MFNG: variants seen among roughly 807,000 people sequenced by gnomAD.
The protein encoded by MFNG is MFNG O-fucosylpeptide 3-beta-N-acetylglucosaminyltransferase.
MFNG carries 24 observed loss-of-function variants against 34.2 expected under a neutral mutation model. The observed-to-expected ratio is 0.70, with a 90% CI of 0.51 to 0.99. The LOEUF is 0.99. MFNG is among the 50% of genes least tolerant of loss of function. The pLI, the probability that MFNG is intolerant of heterozygous loss-of-function variation, is 0.00. For missense variants in MFNG, 383 were observed against 424.0 expected, an observed-to-expected ratio of 0.90 and a Z score of 0.85; for synonymous variants, 158 against 179.2, an observed-to-expected ratio of 0.88 and a Z score of 0.94.
rs774231882 is a variant in MFNG, at chr22:37,482,319, C to G, written c.256-1550G>C. On this transcript the variant is annotated intron_variant, in intron 1 of 7. Transcript: ENST00000356998. The surrounding 1 kb of genome is among the most constrained non-coding windows in gnomAD (Gnocchi z 4.1). ...TCCCTACTACTCTTGGGATAAAGGC[C>G]AGCCTCCCTAAGTGTGGCCAGTGAG... Among the ~76,000 whole-genome samples, 27 of 152,190 alleles carry G rather than the reference C, an allele frequency of 1.8e-4. No individual in the cohort carries two copies. The highest frequency in any genetic ancestry group is 3.2e-4 in the Non-Finnish European group (22 of 68,034).
chr22:37,485,604 C>A lies in MFNG; in HGVS notation c.255+319G>T, dbSNP rs1264365704. On this transcript the variant is annotated intron_variant, in intron 1 of 7. Transcript: ENST00000356998. This position sits in a 1 kb window ranked among gnomAD's most constrained non-coding sequence, Gnocchi z 5.3. Reference sequence around the variant, plus strand: ...TGGGCCTGGGTGGCTAGGAGCGAAGCCCCCACGGGAGCGGCTAGGAATAGA... The same window carrying A: ...TGGGCCTGGGTGGCTAGGAGCGAAGACCCCACGGGAGCGGCTAGGAATAGA... Among the ~76,000 whole-genome samples, 1 of 152,172 alleles carries A rather than the reference C, an allele frequency of 6.6e-6. No homozygotes were observed. The highest frequency in any genetic ancestry group is 1.5e-5 in the Non-Finnish European group (1 of 68,018).
intron 1 of MFNG, chr22:37,484,103 A>C (rs772555312): frequency 6.6e-6 from 1 of 151,590 alleles, no homozygotes; most frequent in Non-Finnish European, 1.5e-5. Context: ...GGCTGCTGCC[A>C]CCTCTCCCCC....
At chr22:37,481,970 G>C (rs1922308865) in intron 1 of MFNG, among the ~76,000 whole-genome samples, 2 of 152,256 alleles carry the variant, frequency 1.3e-5, no homozygotes, top group African/African-American at 4.8e-5. Context: ...AAGGGGGATA[G>C]TAGTGGCTGT....
chr22:37,482,456 C>T lies in MFNG; in HGVS notation c.256-1687G>A, dbSNP rs377282728. On this transcript the variant is annotated intron_variant, in intron 1 of 7. Transcript: ENST00000356998. The surrounding 1 kb of genome is among the most constrained non-coding windows in gnomAD (Gnocchi z 4.1). ...ACACACACACACGCACACACACGCACGCATACACACACACACACACACACG... is the reference window on the plus strand; with the variant it reads ...ACACACACACACGCACACACACGCATGCATACACACACACACACACACACG... 3.2e-4 allele frequency among the ~76,000 whole-genome samples: 48 copies of T among 150,052 alleles called. No individual in the cohort carries two copies. The highest frequency in any genetic ancestry group is 1.1e-3 in the African/African-American group (44 of 40,622).
intron 1 of MFNG, 60 bp from the exon 2 acceptor site, chr22:37,480,829 C>T: frequency 7.0e-7 from 1 of 1,438,048 alleles, no homozygotes; most frequent in South Asian, 1.2e-5. Context: ...CCAGACCAAT[C>T]CACAGCCCAC....
chr22:37,478,177 T>C (rs1922125959), intron 4 of MFNG, among the ~76,000 whole-genome samples: 3 of 152,208 alleles, frequency 2.0e-5, no homozygotes, highest in Admixed American at 2.0e-4. Flanking sequence ...CTGTGTTTTC[T>C]GCTCTTGGTT....
chr22:37,471,620 C>G (rs1444145487), intron 7 of MFNG, among the ~76,000 whole-genome samples: 5 of 152,056 alleles, frequency 3.3e-5, no homozygotes, highest in Admixed American at 6.5e-5. Flanking sequence ...CACTTGAGGT[C>G]AGGAGTTCGA....
At chr22:37,474,770 T>C in intron 5 of MFNG, 93 bp from the exon 6 acceptor site, 1 of 1,402,118 alleles carries the variant, frequency 7.1e-7, no homozygotes, top group South Asian at 1.4e-5. Flanking sequence ...TGGGACAAGC[T>C]GGCAGAACAG....
At chr22:37,473,480 C>T (rs1921899200) in intron 6 of MFNG, among the ~76,000 whole-genome samples, 1 of 151,906 alleles carries the variant, frequency 6.6e-6, no homozygotes, top group African/African-American at 2.4e-5. Context: ...ATTGTGGGTA[C>T]TCAGGATACC....
At chr22:37,479,214 C>T in intron 4 of MFNG, 131 bp downstream of exon 4, 1 of 1,017,244 alleles carries the variant, frequency 9.8e-7, no homozygotes, top group Non-Finnish European at 1.3e-6. Context: ...AAGCTACCAG[C>T]CCAAACCCAC....
rs1421269131 is a variant in MFNG at position 37,476,967 on chromosome 22, G to C, written c.576C>G (p.Phe192Leu). ...AGCCAGCACCCCCAGTGGCAAACCA[G>C]AACTGTACCAGCCTCTGAGAGAGAG... ...QPHNRTRLVQ[F>L]WFATGGAGFC... Residue 192 changes from phenylalanine to leucine, a missense_variant, in exon 5 of 8, where the codon TTC becomes TTG. Coordinates refer to ENST00000356998, the MANE Select transcript of MFNG (RefSeq NM_002405.4). 1 of 1,613,892 alleles carries C rather than the reference G, an allele frequency of 6.2e-7. No homozygotes were observed. Among genetic ancestry groups the C allele is most frequent in the Non-Finnish European group, 8.5e-7 (1 of 1,179,984 alleles).
In MFNG at chr22:37,471,322, C is replaced by T. The variant is rs1303827882; in HGVS notation, c.899+1121G>A. Among the ~76,000 whole-genome samples the T allele has an allele frequency of 2.6e-5, 4 of 152,240 alleles. 1 individual carries two copies. The South Asian group carries it at 6.2e-4, about 24-fold the overall frequency. Reference sequence around the variant, plus strand: ...AGAAATGCAAATAGAAGGGTTGGGGCTAGTCCAGCTGCCCAGAGATGGAAC... The same window carrying T: ...AGAAATGCAAATAGAAGGGTTGGGGTTAGTCCAGCTGCCCAGAGATGGAAC... On this transcript the variant is annotated intron_variant, in intron 7 of 7. Transcript: ENST00000356998.
Position 37,479,513 on chromosome 22 carries a change from CG to C in MFNG, c.408-16del. 1 of 1,608,406 alleles carries C rather than the reference CG, an allele frequency of 6.2e-7. No individual in the cohort carries two copies. Among genetic ancestry groups the C allele is most frequent in the Non-Finnish European group, 8.5e-7 (1 of 1,177,618 alleles). On this transcript the variant is annotated splice_polypyrimidine_tract_variant and intron_variant, in intron 3 of 7. Transcript: ENST00000356998. ...GGCAGAACCACCTGTAGGGATGAAA[CG>C]GGGACAGTGAACTTGTTGGGGGGGT...
rs377470737 is a variant in MFNG at position 37,485,929 on chromosome 22, C to T, written c.249G>A (p.Arg83=). 3.7e-6 allele frequency: 6 copies of T among 1,612,804 alleles called. No individual in the cohort carries two copies. The African/African-American group carries it at 6.7e-5, about 18-fold the overall frequency. ...AATGTCACCCACTTGTCACCTGTTC[C>T]CTGGTCCTGGAAACCCACGTGTCAA... ...LLLDTWVSRT[R]EQTFVFTDSP... The change falls in exon 1 of 8, where the codon AGG becomes AGA. Residue 83 remains arginine, a synonymous_variant. Transcript: ENST00000356998. This position sits in a 1 kb window ranked among gnomAD's most constrained non-coding sequence, Gnocchi z 5.3.
chr22:37,472,382 G>A, intron 7 of MFNG, 61 bp downstream of exon 7: 2 of 1,308,652 alleles, frequency 1.5e-6, no homozygotes, highest in Non-Finnish European at 2.1e-6. Context: ...GCTCCCCCAT[G>A]TTTGGATGCC....
chr22:37,479,311 G>T (rs895696221), intron 4 of MFNG, 34 bp downstream of exon 4: 6 of 1,524,696 alleles, frequency 3.9e-6, no homozygotes, highest in Non-Finnish European at 4.4e-6. Context: ...GGGATCAGCG[G>T]GCCAAGGGGC....
At chr22:37,476,831 C>T (rs920254548) in intron 5 of MFNG, 65 bp downstream of exon 5, 11 of 1,311,472 alleles carry the variant, frequency 8.4e-6, no homozygotes, top group East Asian at 7.0e-5. Context: ...GCTGCAAAGG[C>T]CCCTCCTGTA....
In MFNG at chr22:37,486,200, C is replaced by G; in HGVS notation, c.-23G>C. 1 of 1,510,824 alleles carries G rather than the reference C, an allele frequency of 6.6e-7. No homozygotes were observed. Among genetic ancestry groups the G allele is most frequent in the Non-Finnish European group, 8.8e-7 (1 of 1,130,238 alleles). The allele number at this position is 1,510,824 out of a possible 1,614,324, so 93.6% of individuals were successfully genotyped here. A position where few individuals can be genotyped will look rare whatever the true frequency, so the allele number is the denominator to read the frequency against. ...CATTGGTTGGCCCTGGGACCCCAGA[C>G]AGCTCAGCCCCCAAATCCCAACCAG... On this transcript the variant is annotated 5_prime_UTR_variant, in exon 1 of 8. Transcript: ENST00000356998.
Position 37,480,748 on chromosome 22 carries a change from G to C in MFNG, c.277C>G (p.Pro93Ala). 1 of 1,613,648 alleles carries C rather than the reference G, an allele frequency of 6.2e-7. No individual in the cohort carries two copies. The highest frequency in any genetic ancestry group is 8.5e-7 in the Non-Finnish European group (1 of 1,179,840). Residue 93 changes from proline (P) to alanine (A), a missense_variant, in exon 2 of 8, where the codon CCA becomes GCA. Pro to Ala is a conservative substitution (Grantham distance 27, BLOSUM62 -1). Coordinates refer to ENST00000356998, the MANE Select transcript of MFNG (RefSeq NM_002405.4). ...REQTFVFTDS[P>A]DKGLQERLGS... is the part of the protein sequence containing the mutation. The stretch of plus-strand genomic sequence containing the variant: ...AGTCTCTCCTGGAGGCCTTTGTCTG[G>C]GCTGTCGGTGAAGACAAATGTCTAG...
Sources: allele counts gnomAD v4.1 joint callset (sites outside exome capture counted in the v4.1 genomes callset), GRCh38; gene constraint gnomAD v4.1.1; non-coding constraint Gnocchi (gnomAD v3.1); transcripts MANE v1.5; gene names NCBI Gene and HGNC (gene_info 2026-07-23, HGNC 2026-07-21).